Variants in BMPR1B observed in about 807,000 individuals in gnomAD.
BMPR1B encodes the protein bone morphogenetic protein receptor type 1B.
A neutral mutation model predicts 59.1 loss-of-function variants in BMPR1B; 12 were observed. The ratio of observed to expected loss-of-function variants is 0.20; its 90% CI spans 0.13 to 0.33. The LOEUF is 0.33. BMPR1B is among the 10% of genes least tolerant of loss of function. The pLI is 1.00. For synonymous variants in BMPR1B, 237 were observed against 207.3 expected (o/e 1.14, Z -1.23); for missense variants, 550 against 610.9 (o/e 0.90, Z 1.05).
At chr4:94,775,917 C>T (rs1028109385) in intron 1 of BMPR1B, among the ~76,000 whole-genome samples, 3 of 151,962 alleles carry the variant, frequency 2.0e-5, no homozygotes, top group African/African-American at 7.2e-5. Flanking sequence ...CGGTGAAACC[C>T]CGTCTCTACT....
At chr4:95,064,237 C>T (rs1727632612) in intron 3 of BMPR1B, among the ~76,000 whole-genome samples, 1 of 152,100 alleles carries the variant, frequency 6.6e-6, no homozygotes, top group Non-Finnish European at 1.5e-5. Flanking sequence ...GGTTCCCAAC[C>T]CCTGGACCAT....
At chr4:95,024,851 C>G (rs1724241823) in intron 3 of BMPR1B, among the ~76,000 whole-genome samples, 1 of 152,054 alleles carries the variant, frequency 6.6e-6, no homozygotes, top group South Asian at 2.1e-4. Context: ...ACCTGTAATC[C>G]CAGCACTTTG....
rs115500185 is a variant in BMPR1B, at chr4:95,040,123, A to G, written c.-18+43989A>G. 9.2e-3 allele frequency among the ~76,000 whole-genome samples: 1,407 copies of G among 152,264 alleles called. 13 individuals are homozygous for G. The highest frequency in any genetic ancestry group is 0.031 in the Middle Eastern group (9 of 294). On this transcript the variant is annotated intron_variant, in intron 3 of 12. Transcript: ENST00000515059. ...TTCTATGGAAAAACTGGTATGTGGT[A>G]TACAAGAACAAAATTTTTCTCTACT...
chr4:95,011,068 G>T (rs928541424), intron 3 of BMPR1B, among the ~76,000 whole-genome samples: 4 of 151,530 alleles, frequency 2.6e-5, no homozygotes, highest in Non-Finnish European at 5.9e-5. Context: ...TGTTAAATTT[G>T]TTTTTTGTTT....
chr4:95,125,003 G>A lies in BMPR1B; in HGVS notation c.467G>A (p.Arg156Lys). The part of the protein sequence containing the change: ...CYFRYKRQET[R>K]PRYSIGLEQD... ...TTTAGGTATAAAAGACAAGAAACCA[G>A]ACCTCGATACAGCATTGGGTTAGAA... Residue 156 changes from arginine (R) to lysine (K), a missense_variant, in exon 8 of 13, where the codon AGA becomes AAA. Coordinates refer to ENST00000515059, the MANE Select transcript of BMPR1B (RefSeq NM_001203.3). The A allele has an allele frequency of 6.2e-7, 1 of 1,613,134 alleles. No individual in the cohort carries two copies. The highest frequency in any genetic ancestry group is 8.5e-7 in the Non-Finnish European group (1 of 1,179,248).
In BMPR1B at chr4:94,770,186, GT is replaced by G. The variant is rs56902521; in HGVS notation, c.-183+12136del. On this transcript the variant is annotated intron_variant, in intron 1 of 12. Coordinates refer to ENST00000515059, the MANE Select transcript of BMPR1B (RefSeq NM_001203.3). ...TGAATTGTCCTTCGTTTCTGTGTTT[GT>G]TTTTTTTTTTTTTTTTTGCGAAAGC... Among the ~76,000 whole-genome samples the G allele has an allele frequency of 3.0e-3, 161 of 54,130 alleles. 4 individuals are homozygous for G. The East Asian group carries it at 0.052, about 17-fold the overall frequency. 35.5% of individuals were successfully genotyped at this position (54,130 alleles called of 152,430 possible).
intron 3 of BMPR1B, among the ~76,000 whole-genome samples, chr4:95,052,639 T>G (rs1040392188): frequency 2.0e-5 from 3 of 152,172 alleles, no homozygotes; most frequent in Admixed American, 2.0e-4. Context: ...GTGTGTAATT[T>G]TGATTGGGAT....
chr4:94,770,182 G>GTTTTTTTTTTTTTTTTTTTTTTTTTTT (rs1215939344), intron 1 of BMPR1B, among the ~76,000 whole-genome samples: 484 of 39,798 alleles, frequency 0.012, 54 homozygotes, highest in Non-Finnish European at 0.016. Context: ...TCGTTTCTGT[G>GTTTTTTTTTTTTTTTTTTTTTTTTTTT]TTTGTTTTTT....
intron 1 of BMPR1B, among the ~76,000 whole-genome samples, chr4:94,781,578 A>G (rs1033220203): frequency 6.6e-6 from 1 of 151,762 alleles, no homozygotes; most frequent in East Asian, 1.9e-4. Flanking sequence ...CACCTGGCTA[A>G]TTTTTGTATT....
chr4:95,157,618 A>ATATATATAAATATATATG lies in BMPR1B; in HGVS notation c.*2959_*2976dup, dbSNP rs1735511495. 1.3e-5 allele frequency: 2 copies of ATATATATAAATATATATG among 151,200 alleles called. No individual in the cohort carries two copies. Among genetic ancestry groups the ATATATATAAATATATATG allele is most frequent in the South Asian group, 4.2e-4 (2 of 4,816 alleles). The allele number at this position is 151,200 out of a possible 1,614,324, so 9.4% of individuals were successfully genotyped here. A position where few individuals can be genotyped will look rare whatever the true frequency, so the allele number is the denominator to read the frequency against. ...AGGTTTATAGTTTATGTATGTGTGT[A>ATATATATAAATATATATG]TATATATAAATATATATGTATATAT... On this transcript the variant is annotated 3_prime_UTR_variant, in exon 13 of 13. Transcript: ENST00000515059.
In BMPR1B at chr4:95,014,901, A is replaced by G. The variant is rs1218249214; in HGVS notation, c.-18+18767A>G. 2.0e-5 allele frequency among the ~76,000 whole-genome samples: 3 copies of G among 152,106 alleles called. No individual in the cohort carries two copies. In the South Asian group the frequency reaches 6.2e-4, roughly 32 times the overall value. On this transcript the variant is annotated intron_variant, in intron 3 of 12. Transcript: ENST00000515059. Reference sequence around the variant, plus strand: ...TCACAGAATGTCATCTAGCAGGGCTATGGGGTGGAGTGGGAGTGTGGCTGT... The same window carrying G: ...TCACAGAATGTCATCTAGCAGGGCTGTGGGGTGGAGTGGGAGTGTGGCTGT...
chr4:94,856,722 G>C (rs187637032), intron 1 of BMPR1B, among the ~76,000 whole-genome samples: 1 of 152,278 alleles, frequency 6.6e-6, no homozygotes, highest in East Asian at 1.9e-4. Flanking sequence ...TTTTGTGGTA[G>C]ATGCCGTCAT....
intron 3 of BMPR1B, among the ~76,000 whole-genome samples, chr4:95,087,910 A>C (rs928941476): frequency 6.6e-6 from 1 of 152,192 alleles, no homozygotes; most frequent in Non-Finnish European, 1.5e-5. Context: ...GTTGTTTCTT[A>C]AGAGAATGTC....
At chr4:94,986,953 A>G (rs1721444226) in intron 2 of BMPR1B, among the ~76,000 whole-genome samples, 1 of 151,000 alleles carries the variant, frequency 6.6e-6, no homozygotes, top group Non-Finnish European at 1.5e-5. Context: ...AGGCAGGAGA[A>G]TGGCGTGAAC....
chr4:94,978,313 G>C (rs1731106225), intron 2 of BMPR1B, among the ~76,000 whole-genome samples: 1 of 152,126 alleles, frequency 6.6e-6, no homozygotes, highest in African/African-American at 2.4e-5. Context: ...GCATCAACTG[G>C]GCAATTCTAG....
At chr4:94,931,961 G>A (rs62316219) in intron 2 of BMPR1B, among the ~76,000 whole-genome samples, 3,616 of 152,188 alleles carry the variant, frequency 0.024, 64 homozygotes, top group Non-Finnish European at 0.038. Flanking sequence ...ATTCTTAAGA[G>A]CAAGGGAAAA....
chr4:95,004,205 C>T (rs1424535815), intron 3 of BMPR1B, among the ~76,000 whole-genome samples: 1 of 152,048 alleles, frequency 6.6e-6, no homozygotes, highest in Admixed American at 6.6e-5. Flanking sequence ...TATGCATTTG[C>T]CCACCATGAA....
At position 95,156,149 on chromosome 4, in the gene BMPR1B, AATC is replaced by A. The variant is rs1193509680; in HGVS notation, c.*1480_*1482del. 9.9e-5 allele frequency: 15 copies of A among 152,266 alleles called. No homozygotes were observed. The highest frequency in any genetic ancestry group is 3.4e-3 in the Middle Eastern group (1 of 294). The allele number at this position is 152,266 out of a possible 1,614,324, so 9.4% of individuals were successfully genotyped here. A position where few individuals can be genotyped will look rare whatever the true frequency, so the allele number is the denominator to read the frequency against. On this transcript the variant is annotated 3_prime_UTR_variant, in exon 13 of 13. Coordinates refer to ENST00000515059, the MANE Select transcript of BMPR1B (RefSeq NM_001203.3). ...TTTAACTTTGGAGCAACATGAATAA[AATC>A]ATCGAGAAGGCCAATATTGTTTAGC...
intron 3 of BMPR1B, among the ~76,000 whole-genome samples, chr4:95,035,133 G>GT (rs1310713921): frequency 6.6e-6 from 1 of 151,756 alleles, no homozygotes; most frequent in African/African-American, 2.4e-5. Context: ...GGGATTATTT[G>GT]TTTTTTTCTT....
Sources: allele counts gnomAD v4.1 joint callset (sites outside exome capture counted in the v4.1 genomes callset), GRCh38; gene constraint gnomAD v4.1.1; transcripts MANE v1.5; gene names NCBI Gene and HGNC (gene_info 2026-07-23, HGNC 2026-07-21).